Variants in SNX29 observed in about 807,000 individuals in gnomAD.
SNX29 encodes the protein sorting nexin 29.
In SNX29, 78 loss-of-function variants were observed where a neutral mutation model predicts 102.1. That is an observed-to-expected ratio of 0.76 (90% confidence interval 0.64 to 0.92). The LOEUF (loss-of-function observed/expected upper bound fraction) is 0.92. SNX29 is among the 40% of genes least tolerant of loss of function. The pLI is 0.00. For synonymous variants in SNX29, 580 were observed against 414.5 expected (o/e 1.40, Z -4.85); for missense variants, 1,280 against 1,061.7 (o/e 1.21, Z -2.86).
intron 16 of SNX29, among the ~76,000 whole-genome samples, chr16:12,383,772 C>CT (rs58531196): frequency 0.094 from 10,000 of 105,922 alleles, 1,025 homozygotes; most frequent in African/African-American, 0.24. Context: ...CGTCAACTTT[C>CT]TTTTTTTTTT....
intron 19 of SNX29, among the ~76,000 whole-genome samples, chr16:12,523,472 T>C (rs1440441227): frequency 6.6e-6 from 1 of 152,218 alleles, no homozygotes; most frequent in East Asian, 1.9e-4. Context: ...CCGGCCCCGA[T>C]GCTCACTGCC....
intron 18 of SNX29, among the ~76,000 whole-genome samples, chr16:12,446,624 T>G (rs1486448995): frequency 6.6e-6 from 1 of 152,162 alleles, no homozygotes. Context: ...GAGTTGGCCC[T>G]GTGGAGGGGA....
chr16:12,212,650 G>A (rs192330345), intron 14 of SNX29, among the ~76,000 whole-genome samples: 1 of 152,286 alleles, frequency 6.6e-6, no homozygotes, highest in East Asian at 1.9e-4. Context: ...TTTGAAAAAT[G>A]TCTGTTCTTG....
chr16:12,168,973 G>A (rs758856014), intron 13 of SNX29, among the ~76,000 whole-genome samples: 4 of 152,206 alleles, frequency 2.6e-5, no homozygotes, highest in Non-Finnish European at 5.9e-5. Context: ...ACGTGCTGGG[G>A]AGAGCTTTTA....
chr16:12,206,445 A>G (rs1280453713), intron 14 of SNX29, among the ~76,000 whole-genome samples: 1 of 151,842 alleles, frequency 6.6e-6, no homozygotes, highest in Non-Finnish European at 1.5e-5. Flanking sequence ...GGTGTTGTAA[A>G]TCCTCCTTCT....
At chr16:12,297,478 C>G (rs1332198092) in intron 15 of SNX29, among the ~76,000 whole-genome samples, 1 of 152,022 alleles carries the variant, frequency 6.6e-6, no homozygotes, top group Non-Finnish European at 1.5e-5. Flanking sequence ...TGTGTGTATT[C>G]ACTTCTCTCC....
chr16:12,297,139 G>C (rs1362932707), intron 15 of SNX29: 1 of 152,490 alleles, frequency 6.6e-6, no homozygotes, highest in Middle Eastern at 3.4e-3. Context: ...GTTAGGGGTC[G>C]GAGGCTGGAG....
At chr16:12,455,891 C>G (rs1018017511) in intron 18 of SNX29, among the ~76,000 whole-genome samples, 1 of 152,156 alleles carries the variant, frequency 6.6e-6, no homozygotes, top group Non-Finnish European at 1.5e-5. Context: ...ATCCATCCAT[C>G]TACCTACCCA....
chr16:12,251,062 G>T (rs549225974), intron 14 of SNX29, among the ~76,000 whole-genome samples: 7 of 152,338 alleles, frequency 4.6e-5, no homozygotes, highest in Non-Finnish European at 1.0e-4. Flanking sequence ...GCCAGGCTGC[G>T]CAGGACATCA....
At chr16:12,262,318 TC>T (rs1259477557) in intron 14 of SNX29, among the ~76,000 whole-genome samples, 1 of 152,188 alleles carries the variant, frequency 6.6e-6, no homozygotes, top group African/African-American at 2.4e-5. Context: ...AGGTGACTGT[TC>T]AGGGTCACAG....
chr16:12,339,744 A>C (rs934380361), intron 15 of SNX29, among the ~76,000 whole-genome samples: 2 of 152,192 alleles, frequency 1.3e-5, no homozygotes, highest in African/African-American at 4.8e-5. Context: ...TGTCATGAAG[A>C]GAGGGTTTCT....
chr16:12,565,585 A>G (rs910882580), intron 20 of SNX29, among the ~76,000 whole-genome samples: 2 of 152,122 alleles, frequency 1.3e-5, no homozygotes, highest in Admixed American at 1.3e-4. Flanking sequence ...ACCCTCAACC[A>G]CAGCAGCCTA....
chr16:12,441,320 C>A lies in SNX29; in HGVS notation c.2038-36399C>A, dbSNP rs558124216. Among the ~76,000 whole-genome samples the A allele has an allele frequency of 1.9e-3, 296 of 152,086 alleles. 1 individual carries two copies. The highest frequency in any genetic ancestry group is 6.6e-3 in the African/African-American group (275 of 41,486). ...AGTCAGGATGGTACCAATCTCCTGA[C>A]CTTGTGATCCACCCACCTCGGCCTC... is the stretch of plus-strand genomic sequence containing the variant. On this transcript the variant is annotated intron_variant, in intron 18 of 20. Coordinates refer to ENST00000566228, the MANE Select transcript of SNX29 (RefSeq NM_032167.5).
At chr16:12,100,967 A>T (rs2052984766) in intron 11 of SNX29, among the ~76,000 whole-genome samples, 1 of 152,098 alleles carries the variant, frequency 6.6e-6, no homozygotes, top group Non-Finnish European at 1.5e-5. Flanking sequence ...TCCACATTGA[A>T]ACGATCAGTG....
At chr16:12,224,542 G>C (rs987552302) in intron 14 of SNX29, among the ~76,000 whole-genome samples, 28 of 152,188 alleles carry the variant, frequency 1.8e-4, no homozygotes, top group Admixed American at 1.8e-3. Context: ...ATCAAGGAAG[G>C]GTTCTTGGAG....
chr16:12,351,315 CACA>C (rs1156493174), intron 15 of SNX29, among the ~76,000 whole-genome samples: 2 of 152,198 alleles, frequency 1.3e-5, no homozygotes, highest in African/African-American at 4.8e-5. Context: ...GGCCCCTCCC[CACA>C]ACCAGAGTAA....
chr16:12,483,868 T>TA (rs1309562094), intron 19 of SNX29, among the ~76,000 whole-genome samples: 1 of 152,208 alleles, frequency 6.6e-6, no homozygotes, highest in Non-Finnish European at 1.5e-5. Context: ...CTGGAAGTGA[T>TA]ACATGGAAAT....
chr16:12,571,713 A>G lies in SNX29; in HGVS notation c.*3084A>G. On this transcript the variant is annotated 3_prime_UTR_variant, in exon 21 of 21. Transcript: ENST00000566228. ...GAGAGACAACAAAAGCTTCTAAGGG[A>G]GGGAGCTTAAAGGCTGCTAGAAACC... 1.9e-6 allele frequency: 2 copies of G among 1,056,654 alleles called. No homozygotes were observed. The highest frequency in any genetic ancestry group is 2.3e-6 in the Non-Finnish European group (2 of 872,646). 65.5% of individuals were successfully genotyped at this position (1,056,654 alleles called of 1,614,324 possible). A position where few individuals can be genotyped will look rare whatever the true frequency, so the allele number is the denominator to read the frequency against.
intron 15 of SNX29, among the ~76,000 whole-genome samples, chr16:12,338,059 C>T (rs987019732): frequency 3.3e-5 from 5 of 152,148 alleles, no homozygotes; most frequent in South Asian, 2.1e-4. Flanking sequence ...TTCAGTGCAT[C>T]CTGGAACCGG....
Sources: allele counts gnomAD v4.1 joint callset (sites outside exome capture counted in the v4.1 genomes callset), GRCh38; gene constraint gnomAD v4.1.1; transcripts MANE v1.5; gene names NCBI Gene and HGNC (gene_info 2026-07-23, HGNC 2026-07-21).